SNX29: variants seen among roughly 807,000 people sequenced by gnomAD.
The protein encoded by SNX29 is sorting nexin 29.
In SNX29, 78 loss-of-function variants were observed where a neutral mutation model predicts 102.1. The observed-to-expected ratio is 0.76, with a 90% CI of 0.64 to 0.92. The LOEUF (loss-of-function observed/expected upper bound fraction) is 0.92. Ranked by LOEUF, SNX29 falls within the 40% of genes least tolerant of loss-of-function variation. The pLI, the probability that SNX29 is intolerant of heterozygous loss-of-function variation, is 0.00. For missense variants in SNX29, 1,280 were observed against 1,061.7 expected (o/e 1.21, Z -2.86); for synonymous variants, 580 against 414.5 (o/e 1.40, Z -4.85).
intron 20 of SNX29, among the ~76,000 whole-genome samples, chr16:12,530,278 C>T (rs1384916544): frequency 6.6e-6 from 1 of 152,152 alleles, no homozygotes; most frequent in Admixed American, 6.5e-5. Context: ...ACATAGTAAG[C>T]ACTGTATGTG....
intron 3 of SNX29, among the ~76,000 whole-genome samples, chr16:12,026,172 G>A (rs2057186687): frequency 6.6e-6 from 1 of 152,194 alleles, no homozygotes; most frequent in African/African-American, 2.4e-5. Context: ...TGTCTTTCCA[G>A]CCTGCTGCCC....
chr16:12,481,439 TACAC>T (rs1304603431), intron 19 of SNX29, among the ~76,000 whole-genome samples: 10 of 134,604 alleles, frequency 7.4e-5, no homozygotes, highest in Admixed American at 3.8e-4. Flanking sequence ...TACACATATA[TACAC>T]ACACATATAT....
At chr16:12,470,195 T>G (rs985820060) in intron 18 of SNX29, among the ~76,000 whole-genome samples, 1 of 152,218 alleles carries the variant, frequency 6.6e-6, no homozygotes, top group Non-Finnish European at 1.5e-5. Context: ...TATTTAGTTT[T>G]GAGATGCAGG....
intron 20 of SNX29, among the ~76,000 whole-genome samples, chr16:12,544,910 C>T (rs1394230987): frequency 6.6e-6 from 1 of 152,190 alleles, no homozygotes. Flanking sequence ...AATCAATAGT[C>T]ATTAGATGTT....
intron 15 of SNX29, among the ~76,000 whole-genome samples, chr16:12,336,780 A>G (rs957776397): frequency 1.3e-5 from 2 of 152,276 alleles, no homozygotes; most frequent in African/African-American, 2.4e-5. Flanking sequence ...CTCCGTCTCT[A>G]CTAAAATTGA....
At chr16:12,469,631 G>A (rs1394705166) in intron 18 of SNX29, among the ~76,000 whole-genome samples, 2 of 152,222 alleles carry the variant, frequency 1.3e-5, no homozygotes, top group East Asian at 3.8e-4. Context: ...TTCACTGAAG[G>A]CCCGGTGCTA....
At chr16:12,179,007 G>C (rs1379717615) in intron 13 of SNX29, among the ~76,000 whole-genome samples, 2 of 152,126 alleles carry the variant, frequency 1.3e-5, no homozygotes, top group African/African-American at 4.8e-5. Flanking sequence ...ATATAAAATA[G>C]CATAAATAAA....
chr16:12,563,204 G>C (rs983012909), intron 20 of SNX29, among the ~76,000 whole-genome samples: 4 of 41,300 alleles, frequency 9.7e-5, no homozygotes, highest in African/African-American at 3.2e-4. Flanking sequence ...CAACATGCTG[G>C]GATTGAGGCT....
At position 11,998,942 on chromosome 16, in the gene SNX29, G is replaced by A. The variant is rs563138549; in HGVS notation, c.8-355G>A. Among the ~76,000 whole-genome samples the A allele has an allele frequency of 2.0e-5, 3 of 152,302 alleles. No individual in the cohort carries two copies. The East Asian group carries it at 5.8e-4, about 29-fold the overall frequency. On this transcript the variant is annotated intron_variant, in intron 1 of 20. Transcript: ENST00000566228. ...CTGGGGGCAGTTTTGATTCCCAGGG[G>A]ACATTTGGCATTACATGGAGACATT...
At chr16:12,373,574 C>T (rs2082766352) in intron 16 of SNX29, 1 of 152,146 alleles carries the variant, frequency 6.6e-6, no homozygotes, top group Non-Finnish European at 1.5e-5. Context: ...TAGCACTCTC[C>T]TGCTTTATTT....
At chr16:12,518,114 A>G (rs1416058994) in intron 19 of SNX29, among the ~76,000 whole-genome samples, 1 of 152,176 alleles carries the variant, frequency 6.6e-6, no homozygotes, top group Non-Finnish European at 1.5e-5. Context: ...AGGTGGACAG[A>G]GTTCATGGGA....
chr16:12,557,013 T>TTA (rs1567194704), intron 20 of SNX29, among the ~76,000 whole-genome samples: 3 of 13,186 alleles, frequency 2.3e-4, no homozygotes, highest in Non-Finnish European at 7.2e-4. Context: ...TCTGGCTAAT[T>TTA]TACCCCCCCC....
intron 1 of SNX29, among the ~76,000 whole-genome samples, chr16:11,995,100 C>T (rs537326260): frequency 1.4e-4 from 22 of 152,290 alleles, no homozygotes; most frequent in Admixed American, 1.2e-3. Context: ...CACTCTCACT[C>T]TGTTGCCCAG....
intron 16 of SNX29, among the ~76,000 whole-genome samples, chr16:12,382,564 C>T (rs2083206400): frequency 6.6e-6 from 1 of 152,202 alleles, no homozygotes; most frequent in Non-Finnish European, 1.5e-5. Flanking sequence ...GCTGAGCATG[C>T]GGTTACCTGA....
At chr16:12,471,335 A>G (rs2087331478) in intron 18 of SNX29, among the ~76,000 whole-genome samples, 1 of 152,206 alleles carries the variant, frequency 6.6e-6, no homozygotes, top group Non-Finnish European at 1.5e-5. Context: ...TACGTGTACA[A>G]AATGTTGTCC....
At chr16:12,219,752 T>C (rs1012573218) in intron 14 of SNX29, among the ~76,000 whole-genome samples, 26 of 152,366 alleles carry the variant, frequency 1.7e-4, no homozygotes, top group South Asian at 2.1e-4. Flanking sequence ...GATTGTCCTG[T>C]GGTTTTTGTG....
At chr16:12,145,435 T>C (rs1169903305) in intron 13 of SNX29, among the ~76,000 whole-genome samples, 2 of 152,200 alleles carry the variant, frequency 1.3e-5, no homozygotes, top group East Asian at 1.9e-4. Context: ...AGATTTTTTT[T>C]CCCTGTTCAT....
At position 12,061,509 on chromosome 16, in the gene SNX29, C is replaced by G; in HGVS notation, c.1125-19C>G. ...GTGGGCTCTTTGGCCTGTCCTGCAGCTGTATTCTTTCACCTTAGGCCACTG... is the reference window on the plus strand; with the variant it reads ...GTGGGCTCTTTGGCCTGTCCTGCAGGTGTATTCTTTCACCTTAGGCCACTG... On this transcript the variant is annotated intron_variant, in intron 8 of 20. Transcript: ENST00000566228. The G allele has an allele frequency of 1.3e-6, 2 of 1,570,296 alleles. No homozygotes were observed. The highest frequency in any genetic ancestry group is 1.7e-6 in the Non-Finnish European group (2 of 1,158,140).
At chr16:12,255,815 A>T (rs1477692382) in intron 14 of SNX29, among the ~76,000 whole-genome samples, 3 of 152,196 alleles carry the variant, frequency 2.0e-5, no homozygotes, top group Non-Finnish European at 2.9e-5. Flanking sequence ...GGCTATTGTG[A>T]ATAGTGCTGC....
Sources: gnomAD v4.1 joint callset for allele counts (sites outside exome capture counted in the v4.1 genomes callset) on GRCh38, gnomAD v4.1.1 for gene constraint, MANE v1.5 for transcripts, NCBI Gene and HGNC (gene_info 2026-07-23, HGNC 2026-07-21) for gene names.